RPL27A: variants seen among roughly 807,000 people sequenced by gnomAD.
RPL27A encodes ribosomal protein L27a.
For missense variants in RPL27A, 118 were observed against 189.4 expected (o/e 0.62, Z 2.21); for synonymous variants, 69 against 68.3 (o/e 1.01, Z -0.05).
In RPL27A at chr11:8,685,860, A is replaced by C. The variant is rs940060482; in HGVS notation, c.*54A>C. ...CTAACTACTTTTTCCTTGTGGTGTG[A>C]GTGTAGGTTCTTCAGTGGCACCTCT... On this transcript the variant is annotated 3_prime_UTR_variant, in exon 5 of 5. Transcript: ENST00000314138. 2 of 1,587,192 alleles carry C rather than the reference A, an allele frequency of 1.3e-6. No homozygotes were observed. The highest frequency in any genetic ancestry group is 1.7e-6 in the Non-Finnish European group (2 of 1,161,138).
Position 8,685,674 on chromosome 11 carries a change from C to T in RPL27A, c.319-4C>T. On this transcript the variant is annotated splice_polypyrimidine_tract_variant and splice_region_variant and intron_variant, in intron 4 of 4. Coordinates refer to ENST00000314138, the MANE Select transcript of RPL27A (RefSeq NM_000990.5). The stretch of plus-strand genomic sequence containing the variant: ...ATTGTAAACTTTTTTCTCTGTTCTT[C>T]TAGGGCTACTACAAAGTTCTGGGAA... 1 of 1,614,076 alleles carries T rather than the reference C, an allele frequency of 6.2e-7. No homozygotes were observed. The highest frequency in any genetic ancestry group is 8.5e-7 in the Non-Finnish European group (1 of 1,179,940).
chr11:8,684,777 G>A lies in RPL27A; in HGVS notation c.203G>A (p.Ser68Asn), dbSNP rs749203162. The change falls in exon 4 of 5, where the codon AGC (serine) becomes AAC (asparagine). Residue 68 changes from serine (S) to asparagine (N), a missense_variant. Ser to Asn is a conservative substitution (Grantham distance 46). Transcript: ENST00000314138. ...MKHYHLKRNQSFCPTVNLDKL... is the reference protein window; with the variant it reads ...MKHYHLKRNQNFCPTVNLDKL... ...CATTACCACTTAAAGAGGAACCAGA[G>A]CTTCTGCCCAACTGTCAACCTTGAC... 8 of 1,614,106 alleles carry A rather than the reference G, an allele frequency of 5.0e-6. No individual in the cohort carries two copies. The South Asian group carries it at 8.8e-5, about 18-fold the overall frequency.
rs373678080 is a variant in RPL27A, at chr11:8,684,402, A to G, written c.144-316A>G. ...AACTAGTGGATGATAAATTTTGGCT[A>G]TTCAGAAGACGTTTATTATAGGAGT... On this transcript the variant is annotated intron_variant, in intron 3 of 4. Coordinates refer to ENST00000314138, the MANE Select transcript of RPL27A (RefSeq NM_000990.5). The G allele has an allele frequency of 3.6e-5, 26 of 717,658 alleles. No individual in the cohort carries two copies. In the African/African-American group the frequency reaches 4.3e-4, roughly 12 times the overall value. The allele number at this position is 717,658 out of a possible 1,614,324, so 44.5% of individuals were successfully genotyped here.
intron 3 of RPL27A, 101 bp downstream of exon 3, chr11:8,684,182 C>A (rs532252667): frequency 2.1e-6 from 2 of 955,798 alleles, no homozygotes; most frequent in Non-Finnish European, 3.4e-6. Flanking sequence ...TTGCCTATTG[C>A]TGTTTTTTAC....
At position 8,688,351 on chromosome 11, in the gene RPL27A, GGAAA is replaced by G. The variant is rs528780731; in HGVS notation, c.*2550_*2553del. On this transcript the variant is annotated 3_prime_UTR_variant, in exon 5 of 5. Coordinates refer to ENST00000314138, the MANE Select transcript of RPL27A (RefSeq NM_000990.5). Reference sequence around the variant, plus strand: ...TTAGGCCATCCGATCCCCTGGCCTGGGAAAGAAACACTGATTTCGTTGCTGGCTT... The same window carrying G: ...TTAGGCCATCCGATCCCCTGGCCTGGGAAACACTGATTTCGTTGCTGGCTT... 1.5e-4 allele frequency: 23 copies of G among 152,172 alleles called. No individual in the cohort carries two copies. The highest frequency in any genetic ancestry group is 2.4e-4 in the Non-Finnish European group (16 of 68,028). 9.4% of individuals were successfully genotyped at this position (152,172 alleles called of 1,614,324 possible).
Position 8,685,782 on chromosome 11 carries a change from G to A in RPL27A, c.423G>A (p.Gly141=), listed in dbSNP as rs2039581504. The change falls in exon 5 of 5, where the codon GGG becomes GGA. Residue 141 remains glycine (G), a synonymous_variant. Transcript: ENST00000314138. The part of the protein sequence containing the change: ...RRAEEKIKSV[G]GACVLVA Reference sequence around the variant, plus strand: ...CTGAGGAGAAGATTAAGAGTGTTGGGGGGGCCTGTGTCCTGGTGGCTTGAA... The same window carrying A: ...CTGAGGAGAAGATTAAGAGTGTTGGAGGGGCCTGTGTCCTGGTGGCTTGAA... The A allele has an allele frequency of 1.2e-6, 2 of 1,613,922 alleles. No homozygotes were observed. Among genetic ancestry groups the A allele is most frequent in the South Asian group, 1.1e-5 (1 of 91,074 alleles).
Position 8,685,937 on chromosome 11 carries a change from A to T in RPL27A, c.*131A>T. ...GTTCTAGTACTTAGGGTATGAAGAC[A>T]TGGGGTCCTCTCCTGACTTCCCTCA... is the stretch of plus-strand genomic sequence containing the variant. On this transcript the variant is annotated 3_prime_UTR_variant, in exon 5 of 5. Coordinates refer to ENST00000314138, the MANE Select transcript of RPL27A (RefSeq NM_000990.5). 1 of 805,840 alleles carries T rather than the reference A, an allele frequency of 1.2e-6. No individual in the cohort carries two copies. The highest frequency in any genetic ancestry group is 2.0e-6 in the Non-Finnish European group (1 of 512,718). 49.9% of individuals were successfully genotyped at this position (805,840 alleles called of 1,614,324 possible). A position where few individuals can be genotyped will look rare whatever the true frequency, so the allele number is the denominator to read the frequency against.
intron 2 of RPL27A, chr11:8,683,615 T>A (rs75651224): frequency 2.0e-6 from 1 of 489,836 alleles, no homozygotes; most frequent in Middle Eastern, 5.7e-4. Context: ...GACACAGAAG[T>A]CTGGGAAACA....
In RPL27A at chr11:8,688,544, C is replaced by G. The variant is rs550523502; in HGVS notation, c.*2738C>G. ...TGACTGCCAAGCTTTGAATAGCCTG[C>G]TGTGTTCATGGAGGCTCATACTGGC... On this transcript the variant is annotated 3_prime_UTR_variant, in exon 5 of 5. Transcript: ENST00000314138. 2.0e-5 allele frequency: 3 copies of G among 152,350 alleles called. No homozygotes were observed. The highest frequency in any genetic ancestry group is 7.2e-5 in the African/African-American group (3 of 41,574). The allele number at this position is 152,350 out of a possible 1,614,324, so 9.4% of individuals were successfully genotyped here. A position where few individuals can be genotyped will look rare whatever the true frequency, so the allele number is the denominator to read the frequency against.
At chr11:8,685,640 C>T (rs747305169) in intron 4 of RPL27A, 38 bp from the exon 5 acceptor site, 7 of 1,612,114 alleles carry the variant, frequency 4.3e-6, no homozygotes, top group Admixed American at 1.7e-5. Flanking sequence ...TTGGTACCTA[C>T]TACAGTGTAT....
chr11:8,684,179 T>C (rs563422173), intron 3 of RPL27A, 98 bp downstream of exon 3: 1 of 986,760 alleles, frequency 1.0e-6, no homozygotes, highest in Admixed American at 1.7e-5. Context: ...GCCTTGCCTA[T>C]TGCTGTTTTT....
intron 2 of RPL27A, 113 bp from the exon 3 acceptor site, chr11:8,683,893 G>C: frequency 1.2e-6 from 1 of 816,680 alleles, no homozygotes; most frequent in Non-Finnish European, 2.1e-6. Flanking sequence ...TGTTGGCCAG[G>C]CTGGTCTCGA....
In RPL27A at chr11:8,682,806, C is replaced by A. The variant is rs201404334; in HGVS notation, c.-8C>A. The A allele has an allele frequency of 6.2e-7, 1 of 1,613,294 alleles. No homozygotes were observed. The highest frequency in any genetic ancestry group is 8.5e-7 in the Non-Finnish European group (1 of 1,179,568). On this transcript the variant is annotated 5_prime_UTR_variant, in exon 1 of 5. The change creates a new upstream start codon in the 5' untranslated region. Transcript: ENST00000314138. ...CGAAGGCCTTCCTTTTTCGTCTGGG[C>A]TGCCAACATGGTAGGTGTTTCGTTT... is the stretch of plus-strand genomic sequence containing the variant.
Position 8,687,988 on chromosome 11 carries a change from A to T in RPL27A, c.*2182A>T, listed in dbSNP as rs1231581444. 1 of 152,212 alleles carries T rather than the reference A, an allele frequency of 6.6e-6. No homozygotes were observed. 9.4% of individuals were successfully genotyped at this position (152,212 alleles called of 1,614,324 possible). On this transcript the variant is annotated 3_prime_UTR_variant, in exon 5 of 5. Coordinates refer to ENST00000314138, the MANE Select transcript of RPL27A (RefSeq NM_000990.5). ...ACTATTACGGGAGCAGATGGAGTCA[A>T]TTGGCCTTCATGTGATTGTCAGTGG...
At chr11:8,682,952 G>T in intron 1 of RPL27A, 136 bp downstream of exon 1, 1 of 1,223,804 alleles carries the variant, frequency 8.2e-7, no homozygotes, top group Non-Finnish European at 1.1e-6. Flanking sequence ...GGGCAGGGTG[G>T]CCGGCGCGGG....
intron 2 of RPL27A, 108 bp downstream of exon 2, chr11:8,683,373 C>A: frequency 5.7e-6 from 5 of 881,960 alleles, no homozygotes; most frequent in South Asian, 4.3e-5. Flanking sequence ...TTTTTGTGGT[C>A]AAGTTGCACA....
At position 8,686,445 on chromosome 11, in the gene RPL27A, G is replaced by T. The variant is rs1243265265; in HGVS notation, c.*639G>T. 1.3e-5 allele frequency: 2 copies of T among 152,330 alleles called. No individual in the cohort carries two copies. Among genetic ancestry groups the T allele is most frequent in the African/African-American group, 4.8e-5 (2 of 41,412 alleles). The allele number at this position is 152,330 out of a possible 1,614,324, so 9.4% of individuals were successfully genotyped here. A position where few individuals can be genotyped will look rare whatever the true frequency, so the allele number is the denominator to read the frequency against. ...GGGGTTTCACCATGTTGGCCATGCT[G>T]GTCTCTAACTCCTAACCTCAAGTGA... On this transcript the variant is annotated 3_prime_UTR_variant, in exon 5 of 5. Coordinates refer to ENST00000314138, the MANE Select transcript of RPL27A (RefSeq NM_000990.5).
chr11:8,685,353 T>C lies in RPL27A; in HGVS notation c.319-325T>C, dbSNP rs1175121067. On this transcript the variant is annotated intron_variant, in intron 4 of 4. Coordinates refer to ENST00000314138, the MANE Select transcript of RPL27A (RefSeq NM_000990.5). ...AATTCACTTCCCAGCCTATTTAATG[T>C]CCATTGAGTAGTTCTGGTGGTCAGG... 1.4e-5 allele frequency: 8 copies of C among 557,902 alleles called. No homozygotes were observed. The Admixed American group carries it at 1.6e-4, about 11-fold the overall frequency. 34.6% of individuals were successfully genotyped at this position (557,902 alleles called of 1,614,324 possible).
chr11:8,688,133 A>T lies in RPL27A; in HGVS notation c.*2327A>T, dbSNP rs1461268083. The T allele has an allele frequency of 6.6e-6, 1 of 152,286 alleles. No individual in the cohort carries two copies. The highest frequency in any genetic ancestry group is 1.5e-5 in the Non-Finnish European group (1 of 68,076). 9.4% of individuals were successfully genotyped at this position (152,286 alleles called of 1,614,324 possible). A position where few individuals can be genotyped will look rare whatever the true frequency, so the allele number is the denominator to read the frequency against. On this transcript the variant is annotated 3_prime_UTR_variant, in exon 5 of 5. Coordinates refer to ENST00000314138, the MANE Select transcript of RPL27A (RefSeq NM_000990.5). ...TGGCCGGGCTGTAAAGGACGGCTAC[A>T]ATGGGAGGCTGAAGGCAGAACCAAG...
Sources: gnomAD v4.1 joint callset for allele counts on GRCh38, gnomAD v4.1.1 for gene constraint, MANE v1.5 for transcripts, NCBI Gene and HGNC (gene_info 2026-07-23, HGNC 2026-07-21) for gene names.